The following CNTN1 variants were observed in gnomAD, a reference collection of about 807,000 sequenced individuals.
The protein encoded by CNTN1 is contactin 1, also known as contactin-1.
In CNTN1, 38 loss-of-function variants were observed where a neutral mutation model predicts 126.4. The observed-to-expected ratio is 0.30, with a 90% CI of 0.23 to 0.39. The LOEUF is 0.39. Among genes scored for constraint, CNTN1 ranks in the 10% least tolerant of loss-of-function variants. The pLI is 1.00. For missense variants in CNTN1, 1,009 were observed against 1,248.4 expected (o/e 0.81, Z 2.89); for synonymous variants, 413 against 422.6 (o/e 0.98, Z 0.28).
At chr12:40,885,464 G>A (rs1304093851) in intron 1 of CNTN1, among the ~76,000 whole-genome samples, 1 of 151,834 alleles carries the variant, frequency 6.6e-6, no homozygotes, top group Non-Finnish European at 1.5e-5. Flanking sequence ...TTAAGCACAT[G>A]GACTCTAGAG....
At chr12:40,973,111 C>T (rs1216075453) in intron 15 of CNTN1, among the ~76,000 whole-genome samples, 2 of 152,042 alleles carry the variant, frequency 1.3e-5, no homozygotes, top group Non-Finnish European at 2.9e-5. Context: ...AAGAATTATA[C>T]AGGTTCATTT....
rs1330942735 is a variant in CNTN1 at position 40,933,402 on chromosome 12, A to G, written c.704-59A>G. On this transcript the variant is annotated intron_variant, in intron 7 of 23. Coordinates refer to ENST00000551295, the MANE Select transcript of CNTN1 (RefSeq NM_001843.4). ...CTAATCCTGTAGAATTACCATGTTT[A>G]AGAATAACTAATATTGTGCCTAATA... is the stretch of plus-strand genomic sequence containing the variant. The G allele has an allele frequency of 5.2e-6, 6 of 1,160,026 alleles. No individual in the cohort carries two copies. In the Admixed American group the frequency reaches 1.0e-4, roughly 20 times the overall value. 71.9% of individuals were successfully genotyped at this position (1,160,026 alleles called of 1,614,324 possible). A position where few individuals can be genotyped will look rare whatever the true frequency, so the allele number is the denominator to read the frequency against.
At chr12:40,870,740 A>ACATG (rs1352085331) in intron 1 of CNTN1, among the ~76,000 whole-genome samples, 1 of 151,484 alleles carries the variant, frequency 6.6e-6, no homozygotes, top group African/African-American at 2.5e-5. Flanking sequence ...CACATAAGAC[A>ACATG]CATGCACGCA....
chr12:40,972,657 T>C, intron 15 of CNTN1: 1 of 957,234 alleles, frequency 1.0e-6, no homozygotes, highest in Non-Finnish European at 1.2e-6. Flanking sequence ...TTATATTTTC[T>C]AGTCTCAATT....
intron 1 of CNTN1, among the ~76,000 whole-genome samples, chr12:40,892,293 CT>C (rs1257829432): frequency 2.7e-4 from 41 of 152,164 alleles, no homozygotes; most frequent in Non-Finnish European, 7.4e-5. Flanking sequence ...GGTCTAAAAT[CT>C]GTTACTCTGC....
chr12:40,785,818 T>C (rs138124487), intron 1 of CNTN1, among the ~76,000 whole-genome samples: 16 of 152,244 alleles, frequency 1.1e-4, no homozygotes, highest in Non-Finnish European at 2.4e-4. Context: ...AGTAGGATAC[T>C]CTTTTAAACA....
chr12:40,847,893 A>C (rs2772461), intron 1 of CNTN1, among the ~76,000 whole-genome samples: 89,509 of 152,026 alleles, frequency 0.59, 26,802 homozygotes, highest in East Asian at 0.77. Context: ...CTCAGATCAT[A>C]AGGCATTAGA....
At chr12:40,991,567 C>T (rs190232404) in intron 16 of CNTN1, among the ~76,000 whole-genome samples, 5 of 152,128 alleles carry the variant, frequency 3.3e-5, no homozygotes, top group African/African-American at 9.7e-5. Context: ...TGGTGGCTCA[C>T]GCCTGTAATC....
chr12:40,853,455 C>T lies in CNTN1; in HGVS notation c.-76-54902C>T, dbSNP rs185698601. 7.9e-4 allele frequency among the ~76,000 whole-genome samples: 120 copies of T among 152,208 alleles called. 2 individuals carry two copies. In the South Asian group the frequency reaches 0.012, roughly 15 times the overall value. ...AAAGTTAGTGAAAGACTCAACTGAACGCTCAATCCAAGGCATCCTTTGTAT... is the reference window on the plus strand; with the variant it reads ...AAAGTTAGTGAAAGACTCAACTGAATGCTCAATCCAAGGCATCCTTTGTAT... On this transcript the variant is annotated intron_variant, in intron 1 of 23. Coordinates refer to ENST00000551295, the MANE Select transcript of CNTN1 (RefSeq NM_001843.4).
At chr12:40,738,977 T>A (rs1247473244) in intron 1 of CNTN1, among the ~76,000 whole-genome samples, 2 of 152,044 alleles carry the variant, frequency 1.3e-5, no homozygotes, top group Non-Finnish European at 2.9e-5. Context: ...AAATATATGC[T>A]GGAGAAGAAC....
chr12:40,745,858 G>T (rs1214318318), intron 1 of CNTN1, among the ~76,000 whole-genome samples: 1 of 152,106 alleles, frequency 6.6e-6, no homozygotes, highest in Non-Finnish European at 1.5e-5. Flanking sequence ...GGAAAGTAAG[G>T]TATGTTGTAT....
At chr12:40,881,309 T>C (rs1943862210) in intron 1 of CNTN1, among the ~76,000 whole-genome samples, 1 of 151,862 alleles carries the variant, frequency 6.6e-6, no homozygotes, top group South Asian at 2.1e-4. Flanking sequence ...TTGTGTGAAT[T>C]TGAGCTATAT....
At chr12:40,814,804 C>T (rs913086807) in intron 1 of CNTN1, among the ~76,000 whole-genome samples, 5 of 152,062 alleles carry the variant, frequency 3.3e-5, no homozygotes, top group South Asian at 2.1e-4. Flanking sequence ...GACATTTTCA[C>T]GATATTGATT....
intron 1 of CNTN1, among the ~76,000 whole-genome samples, chr12:40,765,608 C>T (rs895134004): frequency 2.6e-5 from 4 of 152,062 alleles, no homozygotes; most frequent in African/African-American, 4.8e-5. Flanking sequence ...AGTTCAGTGG[C>T]TAACTGTGTC....
intron 17 of CNTN1, among the ~76,000 whole-genome samples, chr12:41,004,709 T>A (rs1948449018): frequency 6.6e-6 from 1 of 152,180 alleles, no homozygotes; most frequent in Non-Finnish European, 1.5e-5. Context: ...TTTTTTTATC[T>A]TTATTGGTTA....
At chr12:41,000,450 T>C (rs1948327770) in intron 17 of CNTN1, among the ~76,000 whole-genome samples, 1 of 152,124 alleles carries the variant, frequency 6.6e-6, no homozygotes, top group Non-Finnish European at 1.5e-5. Context: ...TAGAAGTTAT[T>C]TTAATACTCC....
intron 11 of CNTN1, among the ~76,000 whole-genome samples, chr12:40,938,130 T>C (rs1254053190): frequency 6.6e-6 from 1 of 152,190 alleles, no homozygotes; most frequent in Non-Finnish European, 1.5e-5. Context: ...TTGTAATGTG[T>C]TGAAATATAT....
chr12:40,755,177 T>G (rs1938550416), intron 1 of CNTN1, among the ~76,000 whole-genome samples: 5 of 96,518 alleles, frequency 5.2e-5, no homozygotes, highest in Non-Finnish European at 7.4e-5. Context: ...GGCAACAGAG[T>G]GAGACCCCAC....
chr12:40,694,531 T>A (rs1036762524), intron 1 of CNTN1, among the ~76,000 whole-genome samples: 1 of 152,210 alleles, frequency 6.6e-6, no homozygotes, highest in Admixed American at 6.5e-5. Context: ...TAGAATACTT[T>A]TTAGCTTCCC....
Sources: gnomAD v4.1 joint callset for allele counts (sites outside exome capture counted in the v4.1 genomes callset) on GRCh38, gnomAD v4.1.1 for gene constraint, MANE v1.5 for transcripts, NCBI Gene and HGNC (gene_info 2026-07-23, HGNC 2026-07-21) for gene names.